The following MMP28 variants were observed in gnomAD, a reference collection of about 807,000 sequenced individuals.
MMP28 encodes matrix metalloproteinase-28.
In MMP28, 55 loss-of-function variants were observed where a neutral mutation model predicts 60.5. The observed-to-expected ratio is 0.91, with a 90% confidence interval of 0.73 to 1.14. The LOEUF (loss-of-function observed/expected upper bound fraction) is 1.14. Among genes scored for constraint, MMP28 ranks in the 50% most tolerant of loss-of-function variants. The probability of loss-of-function intolerance (pLI) is 0.00; values close to 1 mark genes in which losing one functional copy is unlikely to be tolerated. For synonymous variants in MMP28, 318 were observed against 312.5 expected (o/e 1.02, Z -0.18); for missense variants, 686 against 738.3 (o/e 0.93, Z 0.82).
intron 1 of MMP28, among the ~76,000 whole-genome samples, chr17:35,790,685 A>C (rs1047684883): frequency 6.6e-6 from 1 of 152,114 alleles, no homozygotes; most frequent in Non-Finnish European, 1.5e-5. Flanking sequence ...AAATATATAT[A>C]CACAGAAATT....
chr17:35,789,360 A>T (rs1264396506), intron 1 of MMP28, among the ~76,000 whole-genome samples: 1 of 152,232 alleles, frequency 6.6e-6, no homozygotes, highest in Non-Finnish European at 1.5e-5. Context: ...ATTTTACAGG[A>T]GAGGAAACCG....
intron 2 of MMP28, among the ~76,000 whole-genome samples, chr17:35,758,903 T>C (rs1427184208): frequency 2.0e-5 from 3 of 151,464 alleles, no homozygotes; most frequent in Non-Finnish European, 4.4e-5. Context: ...AGAATGACCA[T>C]GCCAGGGGAC....
At chr17:35,777,830 C>G (rs933511409) in intron 3 of MMP28, among the ~76,000 whole-genome samples, 2 of 152,244 alleles carry the variant, frequency 1.3e-5, no homozygotes, top group African/African-American at 4.8e-5. Context: ...GGGTTCGAGA[C>G]CAGCCTGGCC....
At chr17:35,768,041 T>C (rs2085999902) in intron 6 of MMP28, 122 bp from the exon 7 acceptor site, 2 of 1,329,742 alleles carry the variant, frequency 1.5e-6, no homozygotes, top group East Asian at 4.8e-5. Context: ...TGTGTACAGT[T>C]GGCGCAGAGG....
chr17:35,771,855 T>C (rs776783035), intron 4 of MMP28, among the ~76,000 whole-genome samples: 1 of 150,430 alleles, frequency 6.6e-6, no homozygotes, highest in Non-Finnish European at 1.5e-5. Flanking sequence ...TCAGTGATTT[T>C]CAAGCTTTTA....
rs757238191 is a variant in MMP28 at position 35,795,314 on chromosome 17, C to T, written c.64G>A (p.Ala22Thr). 10 of 1,465,510 alleles carry T rather than the reference C, an allele frequency of 6.8e-6. No homozygotes were observed. The highest frequency in any genetic ancestry group is 1.5e-5 in the African/African-American group (1 of 68,478). The allele number at this position is 1,465,510 out of a possible 1,614,324, so 90.8% of individuals were successfully genotyped here. The change falls in exon 1 of 8, where the codon GCC becomes ACC. Residue 22 changes from alanine (A) to threonine (T), a missense_variant. Transcript: ENST00000605424. ...LQLLLWGHLD[A>T]QPAERGGQEL... Reference sequence around the variant, plus strand: ...TGGCCTCCGCGCTCCGCGGGCTGGGCGTCCAGGTGGCCCCACAGTAGCAGC... The same window carrying T: ...TGGCCTCCGCGCTCCGCGGGCTGGGTGTCCAGGTGGCCCCACAGTAGCAGC...
rs147176346 is a variant in MMP28 at position 35,773,445 on chromosome 17, A to G, written c.380-41T>C. The G allele has an allele frequency of 5.0e-5, 76 of 1,524,940 alleles. No homozygotes were observed. The East Asian group carries it at 1.9e-3, about 37-fold the overall frequency. 94.5% of individuals were successfully genotyped at this position (1,524,940 alleles called of 1,614,324 possible). The stretch of plus-strand genomic sequence containing the variant: ...CCCACGTCAGTCACACCTGCTGCAG[A>G]GCCCGAGTCTGGTCCCCACAGACCC... On this transcript the variant is annotated intron_variant, in intron 3 of 7. Coordinates refer to ENST00000605424, the MANE Select transcript of MMP28 (RefSeq NM_024302.5).
At chr17:35,763,438 C>CTTT (rs782005643), downstream of MMP28, among the ~76,000 whole-genome samples, 47 of 101,482 alleles carry the variant, frequency 4.6e-4, no homozygotes, top group African/African-American at 1.5e-3. Context: ...CCATGCCCAG[C>CTTT]TTTTTTTTTT....
chr17:35,773,799 C>T (rs1016224439), intron 3 of MMP28, among the ~76,000 whole-genome samples: 1 of 152,210 alleles, frequency 6.6e-6, no homozygotes, highest in Admixed American at 6.5e-5. Context: ...TTGCTACCAG[C>T]AAATCCCAGC....
chr17:35,791,689 T>A (rs2086819040), intron 1 of MMP28, among the ~76,000 whole-genome samples: 2 of 152,190 alleles, frequency 1.3e-5, no homozygotes, highest in Admixed American at 6.5e-5. Context: ...TTTACATAGA[T>A]GCCCAGGGTG....
At chr17:35,764,231 C>G, downstream of MMP28, 2 of 1,543,826 alleles carry the variant, frequency 1.3e-6, no homozygotes, top group Non-Finnish European at 1.7e-6. Flanking sequence ...GTCCAGCACC[C>G]AGCAGGTGGC....
downstream of MMP28, among the ~76,000 whole-genome samples, chr17:35,761,419 G>GC (rs782542043): frequency 2.4e-5 from 3 of 126,490 alleles, no homozygotes; most frequent in African/African-American, 8.8e-5. Flanking sequence ...CCTGTTTTTT[G>GC]TTTTTTTTTT....
intron 2 of MMP28, among the ~76,000 whole-genome samples, chr17:35,759,140 C>CT (rs1568114337): frequency 6.6e-6 from 1 of 152,132 alleles, no homozygotes; most frequent in East Asian, 1.9e-4. Flanking sequence ...GTTCTCAAGT[C>CT]TTTTGGTCAT....
chr17:35,760,813 G>C, intron 2 of MMP28: 1 of 1,078,354 alleles, frequency 9.3e-7, no homozygotes, highest in Non-Finnish European at 1.4e-6. Context: ...TTATGGGCAG[G>C]TGAGGTTCTA....
downstream of MMP28, chr17:35,760,875 T>C (rs2085803090): frequency 2.5e-6 from 4 of 1,599,028 alleles, no homozygotes; most frequent in Non-Finnish European, 3.4e-6. Flanking sequence ...CAAAGTTCTA[T>C]GGGTTCTGGG....
In MMP28 at chr17:35,766,706, G is replaced by T. The variant is rs138254597; in HGVS notation, c.1357C>A (p.Pro453Thr). ...RGGLQVEPYY[P>T]RSLQDWGGIP... is the part of the protein sequence containing the mutation. ...CCTCCCCAGTCCTGCAGACTTCGGGGGTAGTAGGGCTCCACTTGCAGTCCC... is the reference window on the plus strand; with the variant it reads ...CCTCCCCAGTCCTGCAGACTTCGGGTGTAGTAGGGCTCCACTTGCAGTCCC... The change falls in exon 8 of 8, where the codon CCC becomes ACC. Residue 453 changes from proline (P) to threonine (T), a missense_variant. Physicochemically the swap from Pro to Thr is conservative, Grantham distance 38. Coordinates refer to ENST00000605424, the MANE Select transcript of MMP28 (RefSeq NM_024302.5). This position sits in a 1 kb window ranked among gnomAD's most constrained non-coding sequence, Gnocchi z 4.3. 2 of 1,604,530 alleles carry T rather than the reference G, an allele frequency of 1.2e-6. No homozygotes were observed. The highest frequency in any genetic ancestry group is 1.3e-5 in the African/African-American group (1 of 74,786).
intron 3 of MMP28, among the ~76,000 whole-genome samples, chr17:35,774,167 C>G (rs949673844): frequency 1.4e-4 from 21 of 152,348 alleles, no homozygotes; most frequent in African/African-American, 4.8e-4. Context: ...TCCCTGAGGG[C>G]TGAGACTCTG....
Position 35,770,295 on chromosome 17 carries a change from C to G in MMP28, c.622G>C (p.Ala208Pro), listed in dbSNP as rs1555605139. ...FDGPGGALAH[A>P]FLPRRGEAHF... Reference sequence around the variant, plus strand: ...GCTTCGCCGCGGCGGGGCAGGAAGGCGTGCGCCAGGGCGCCCCCTGCAGGT... The same window carrying G: ...GCTTCGCCGCGGCGGGGCAGGAAGGGGTGCGCCAGGGCGCCCCCTGCAGGT... Residue 208 changes from alanine (A) to proline (P), a missense_variant, in exon 5 of 8, where the codon GCC (alanine) becomes CCC (proline). Ala to Pro is a conservative substitution (Grantham distance 27, BLOSUM62 -1). Coordinates refer to ENST00000605424, the MANE Select transcript of MMP28 (RefSeq NM_024302.5). 6.5e-7 allele frequency: 1 copy of G among 1,532,590 alleles called. No individual in the cohort carries two copies. The highest frequency in any genetic ancestry group is 1.2e-5 in the South Asian group (1 of 81,698). The allele number at this position is 1,532,590 out of a possible 1,614,324, so 94.9% of individuals were successfully genotyped here.
Position 35,766,892 on chromosome 17 carries a change from C to T in MMP28, c.1171G>A (p.Gly391Ser). The change falls in exon 8 of 8, where the codon GGT becomes AGT. Residue 391 changes from glycine to serine, a missense_variant and splice_region_variant. By Grantham distance (56) the Gly-to-Ser change is moderately conservative. Transcript: ENST00000605424. This position sits in a 1 kb window ranked among gnomAD's most constrained non-coding sequence, Gnocchi z 4.3. ...GGGCCCCGGAACCTCCAGCATCGAC[C>T]CCCTGTGGGGAATTGGGAGAGCCAG... is the stretch of plus-strand genomic sequence containing the variant. ...NDGDFYFFKG[G>S]RCWRFRGPKP... 1 of 1,573,362 alleles carries T rather than the reference C, an allele frequency of 6.4e-7. No individual in the cohort carries two copies. The highest frequency in any genetic ancestry group is 8.6e-7 in the Non-Finnish European group (1 of 1,160,336).
Sources: gnomAD v4.1 joint callset for allele counts (sites outside exome capture counted in the v4.1 genomes callset) on GRCh38, gnomAD v4.1.1 for gene constraint, Gnocchi (gnomAD v3.1) non-coding constraint, MANE v1.5 for transcripts, NCBI Gene and HGNC (gene_info 2026-07-23, HGNC 2026-07-21) for gene names.